Variants in ACADL observed in about 807,000 individuals in gnomAD.
ACADL encodes the protein acyl-CoA dehydrogenase long chain.
Under a neutral mutation model 56.9 loss-of-function variants are expected in ACADL, and 60 were observed. The ratio of observed to expected loss-of-function variants is 1.05; its 90% confidence interval spans 0.86 to 1.31. ACADL has a LOEUF of 1.31. Among genes scored for constraint, ACADL ranks in the 50% most tolerant of loss-of-function variants. ACADL has a pLI of 0.00. For synonymous variants in ACADL, 158 were observed against 179.7 expected (o/e 0.88, Z 0.97); for missense variants, 484 against 525.5 (o/e 0.92, Z 0.77).
At chr2:210,220,897 A>C in intron 1 of ACADL, 95 bp from the exon 2 acceptor site, 1 of 1,026,896 alleles carries the variant, frequency 9.7e-7, no homozygotes, top group Non-Finnish European at 1.4e-6. Context: ...TCTTTCACAG[A>C]GAAACTTGAG....
intron 1 of ACADL, among the ~76,000 whole-genome samples, chr2:210,223,820 T>C (rs1034133363): frequency 2.0e-5 from 3 of 152,234 alleles, no homozygotes; most frequent in Admixed American, 1.3e-4. Flanking sequence ...GAGCTTCTTA[T>C]TGTAACTTTT....
intron 2 of ACADL, among the ~76,000 whole-genome samples, chr2:210,218,750 T>C (rs1230411694): frequency 6.6e-6 from 1 of 152,164 alleles, no homozygotes; most frequent in African/African-American, 2.4e-5. Context: ...CTAACCTGTA[T>C]TGTAAAAGGC....
intron 8 of ACADL, among the ~76,000 whole-genome samples, chr2:210,198,818 T>C (rs1371458571): frequency 6.6e-6 from 1 of 152,130 alleles, no homozygotes; most frequent in African/African-American, 2.4e-5. Context: ...AGCAATAATA[T>C]CCATTATTAT....
At chr2:210,204,471 A>G (rs1046322768) in intron 7 of ACADL, 110 bp downstream of exon 7, 2 of 821,954 alleles carry the variant, frequency 2.4e-6, no homozygotes, top group Middle Eastern at 2.4e-4. Flanking sequence ...CTATTTCACA[A>G]GTTTTGCATG....
intron 5 of ACADL, among the ~76,000 whole-genome samples, chr2:210,209,013 A>G (rs1310850470): frequency 2.6e-5 from 4 of 152,332 alleles, no homozygotes; most frequent in African/African-American, 9.6e-5. Flanking sequence ...CTTCTGACCA[A>G]ATATCCCACT....
chr2:210,196,205 C>G (rs897042059), intron 8 of ACADL, among the ~76,000 whole-genome samples: 4 of 152,018 alleles, frequency 2.6e-5, no homozygotes, highest in African/African-American at 9.7e-5. Flanking sequence ...CCTCCTTCAC[C>G]TTCCGCCATG....
intron 10 of ACADL, among the ~76,000 whole-genome samples, chr2:210,190,889 CTA>C (rs1159684709): frequency 2.0e-5 from 3 of 149,960 alleles, no homozygotes; most frequent in South Asian, 2.1e-4. Context: ...GCCAATGTGT[CTA>C]TGTGGCTTTT....
intron 5 of ACADL, chr2:210,209,734 C>T (rs1218332769): frequency 6.4e-6 from 1 of 156,194 alleles, no homozygotes; most frequent in Non-Finnish European, 1.4e-5. Flanking sequence ...AACTTCTGGG[C>T]TCAAGCAATC....
rs1220554417 is a variant in ACADL, at chr2:210,217,983, G to T, written c.353C>A (p.Ala118Asp). ...TACTTACTGCTCCTCCCAGACAATA[G>T]CTGCGGAGTACAGATCCCCTCCAAT... ...GGIGGDLYSA[A>D]IVWEEQAYSN... is the part of the protein sequence containing the mutation. The change falls in exon 3 of 11, where the codon GCT becomes GAT. Residue 118 changes from alanine to aspartate, a missense_variant. Ala to Asp is a moderately radical substitution (Grantham distance 126). Transcript: ENST00000233710. 1 of 1,613,954 alleles carries T rather than the reference G, an allele frequency of 6.2e-7. No homozygotes were observed. The highest frequency in any genetic ancestry group is 8.5e-7 in the Non-Finnish European group (1 of 1,179,986).
In ACADL at chr2:210,225,192, G is replaced by A. The variant is rs765859876; in HGVS notation, c.72C>T (p.Ala24=). Residue 24 remains alanine, a synonymous_variant, in exon 1 of 11, where the codon GCC becomes GCT. Transcript: ENST00000233710. ...AAGTCCCGGCTGGCACTCACCGCGC[G>A]GCGGGCAGCTGGCGCGGCGCACGGT... ...GGHRAPRQLP[A]ARCSHSGGEE... 1.3e-6 allele frequency: 2 copies of A among 1,534,132 alleles called. No individual in the cohort carries two copies. Among genetic ancestry groups the A allele is most frequent in the African/African-American group, 1.4e-5 (1 of 72,336 alleles).
chr2:210,196,287 C>G lies in ACADL; in HGVS notation c.985-949G>C, dbSNP rs145686012. 1.2e-4 allele frequency among the ~76,000 whole-genome samples: 18 copies of G among 151,682 alleles called. No homozygotes were observed. In the East Asian group the frequency reaches 2.3e-3, roughly 20 times the overall value. ...TCTTTTTTTTTTTTTAATAAATTAC[C>G]CAGTCTCAGGTATTTCTTCATAGCA... On this transcript the variant is annotated intron_variant, in intron 8 of 10. Transcript: ENST00000233710.
In ACADL at chr2:210,204,591, T is replaced by G. The variant is rs201594267; in HGVS notation, c.860A>C (p.Glu287Ala). 21 of 1,602,866 alleles carry G rather than the reference T, an allele frequency of 1.3e-5. No individual in the cohort carries two copies. The Admixed American group carries it at 2.5e-4, about 19-fold the overall frequency. The change falls in exon 7 of 11, where the codon GAG becomes GCG. Residue 287 changes from glutamate to alanine, a missense_variant. Coordinates refer to ENST00000233710, the MANE Select transcript of ACADL (RefSeq NM_001608.4). ...TTAAACACTTCTGACCTGTGGAAGC[T>G]CTTTCATGATGTAATAGAAGCCTTT... The part of the protein sequence containing the change: ...ENKGFYYIMK[E>A]LPQERLLIAD...
At chr2:210,224,458 C>T (rs1689232944) in intron 1 of ACADL, 1 of 985,270 alleles carries the variant, frequency 1.0e-6, no homozygotes, top group Non-Finnish European at 1.2e-6. Flanking sequence ...AATGAATTCT[C>T]CATGCTTCCA....
intron 2 of ACADL, 145 bp from the exon 3 acceptor site, chr2:210,218,247 TCTGA>T: frequency 1.4e-6 from 1 of 720,624 alleles, no homozygotes; most frequent in Non-Finnish European, 2.3e-6. Context: ...TCTATTTGCC[TCTGA>T]CTCTTTTATC....
In ACADL at chr2:210,203,376, A is replaced by G. The variant is rs148069105; in HGVS notation, c.939T>C (p.Tyr313=). The G allele has an allele frequency of 8.6e-4, 1,389 of 1,613,466 alleles. 5 individuals carry two copies. Among genetic ancestry groups the G allele is most frequent in the Non-Finnish European group, 1.1e-3 (1,277 of 1,179,774 alleles). ...TGCCAAAAGCTTTTCTTTGTTTAAC[A>G]TAGTTCCTGGTTTCTTCAAACATGA... is the stretch of plus-strand genomic sequence containing the variant. ...SEFMFEETRN[Y]VKQRKAFGKT... Residue 313 remains tyrosine, a synonymous_variant, in exon 8 of 11, where the codon TAT becomes TAC. Transcript: ENST00000233710.
rs1559639983 is a variant in ACADL, at chr2:210,214,511, A to AAAGAAAGAAAGAAAGAAAG, written c.536+1835_536+1836insCTTTCTTTCTTTCTTTCTT. Among the ~76,000 whole-genome samples the AAAGAAAGAAAGAAAGAAAG allele has an allele frequency of 4.2e-5, 6 of 142,476 alleles. No homozygotes were observed. In the East Asian group the frequency reaches 8.2e-4, roughly 19 times the overall value. 93.5% of individuals were successfully genotyped at this position (142,476 alleles called of 152,430 possible). ...AGAAAGAAAGAAAGAAAGAAAGAAA[A>AAAGAAAGAAAGAAAGAAAG]AGAAAGAAAGAAAGAAAGAAATCTG... On this transcript the variant is annotated intron_variant, in intron 4 of 10. Coordinates refer to ENST00000233710, the MANE Select transcript of ACADL (RefSeq NM_001608.4).
chr2:210,192,828 T>C lies in ACADL; in HGVS notation c.1175A>G (p.Tyr392Cys). 6.2e-7 allele frequency: 1 copy of C among 1,613,762 alleles called. No homozygotes were observed. Among genetic ancestry groups the C allele is most frequent in the Non-Finnish European group, 8.5e-7 (1 of 1,179,758 alleles). The change falls in exon 10 of 11, where the codon TAC becomes TGC. Residue 392 changes from tyrosine to cysteine, a missense_variant. By Grantham distance (194) the Tyr-to-Cys change is radical (BLOSUM62 -2). Coordinates refer to ENST00000233710, the MANE Select transcript of ACADL (RefSeq NM_001608.4). Reference protein sequence around the residue: ...DCVQLHGGWGYMWEYPIAKAY... With the variant: ...DCVQLHGGWGCMWEYPIAKAY... ...CTTTGCAATTGGGTACTCCCACATGTATCCCCAACCTCCATGGAGCTGTAC... is the reference window on the plus strand; with the variant it reads ...CTTTGCAATTGGGTACTCCCACATGCATCCCCAACCTCCATGGAGCTGTAC...
chr2:210,216,398 G>A lies in ACADL; in HGVS notation c.485C>T (p.Thr162Ile). The change falls in exon 4 of 11, where the codon ACT becomes ATT. Residue 162 changes from threonine (T) to isoleucine (I), a missense_variant. Physicochemically the swap from Thr to Ile is moderately conservative, Grantham distance 89. Coordinates refer to ENST00000233710, the MANE Select transcript of ACADL (RefSeq NM_001608.4). ...EQIKHFIPQM[T>I]AGKCIGAIAM... ...TATTGCACCAATACATTTGCCTGCA[G>A]TCATCTGGGGAATAAAGTGCTTAAT... 3 of 1,613,890 alleles carry A rather than the reference G, an allele frequency of 1.9e-6. No individual in the cohort carries two copies. Among genetic ancestry groups the A allele is most frequent in the Non-Finnish European group, 2.5e-6 (3 of 1,179,846 alleles).
chr2:210,212,334 AAG>A (rs1465325213), intron 4 of ACADL, among the ~76,000 whole-genome samples: 3 of 152,110 alleles, frequency 2.0e-5, no homozygotes, highest in African/African-American at 7.2e-5. Context: ...GTCCTTATAA[AAG>A]AGAGGTAAAG....
Sources: gnomAD v4.1 joint callset for allele counts (sites outside exome capture counted in the v4.1 genomes callset) on GRCh38, gnomAD v4.1.1 for gene constraint, MANE v1.5 for transcripts, NCBI Gene and HGNC (gene_info 2026-07-23, HGNC 2026-07-21) for gene names.